The following TBC1D2B variants were observed in gnomAD, a reference collection of about 807,000 sequenced individuals.
The protein encoded by TBC1D2B is TBC1 domain family, member 2B.
TBC1D2B carries 64 observed loss-of-function variants against 100.8 expected under a neutral mutation model. The observed-to-expected ratio is 0.64, with a 90% CI of 0.52 to 0.78. TBC1D2B has a LOEUF of 0.78. TBC1D2B is among the 30% of genes least tolerant of loss of function. The pLI is 0.00. For synonymous variants in TBC1D2B, 480 were observed against 479.7 expected, an observed-to-expected ratio of 1.00 and a Z score of -0.01; for missense variants, 1,052 against 1,218.4, an observed-to-expected ratio of 0.86 and a Z score of 2.03.
chr15:78,062,165 TAA>T (rs989348366), intron 1 of TBC1D2B, among the ~76,000 whole-genome samples: 1 of 152,204 alleles, frequency 6.6e-6, no homozygotes, highest in Non-Finnish European at 1.5e-5. Context: ...TCACTGATTA[TAA>T]GAGGGCTGAT....
intron 3 of TBC1D2B, among the ~76,000 whole-genome samples, chr15:78,032,432 A>G (rs764407822): frequency 1.3e-5 from 2 of 151,800 alleles, no homozygotes; most frequent in African/African-American, 2.4e-5. Context: ...ATATATATAT[A>G]TCCAGCACAC....
chr15:78,077,348 G>C lies in TBC1D2B; in HGVS notation c.305C>G (p.Thr102Arg), dbSNP rs947829941. Residue 102 changes from threonine to arginine, a missense_variant, in exon 1 of 13, where the codon ACG becomes AGG. By Grantham distance (71) the Thr-to-Arg change is moderately conservative (BLOSUM62 -1). This residue lies in a region of TBC1D2B where 627 missense variants were observed against 646.1 expected (regional missense o/e 0.97). Transcript: ENST00000300584. ...QGPDEAAEPG[T>R]EPPAHFQVHS... ...CACCTGGAAGTGCGCGGGCGGCTCC[G>C]TGCCCGGCTCCGCCGCCTCGTCGGG... 6.5e-7 allele frequency: 1 copy of C among 1,538,386 alleles called. No homozygotes were observed. The highest frequency in any genetic ancestry group is 1.4e-5 in the African/African-American group (1 of 71,236).
intron 6 of TBC1D2B, among the ~76,000 whole-genome samples, chr15:78,020,382 G>C (rs1421646745): frequency 2.0e-5 from 3 of 152,190 alleles, no homozygotes; most frequent in African/African-American, 7.2e-5. Context: ...TACAGTCTAA[G>C]TAAGTCCTGA....
Position 78,003,329 on chromosome 15 carries a change from G to A in TBC1D2B, c.2550C>T (p.Asp850=). The change falls in exon 11 of 13, where the codon GAC becomes GAT. Residue 850 remains aspartate (D), a synonymous_variant. Transcript: ENST00000300584. ...VVSDILFKIW[D]SFLYEGPKVI... ...CCTTTGGTCCTTCATAAAGGAAAGA[G>A]TCCCATATTTTAAAGAGGATGTCAC... is the stretch of plus-strand genomic sequence containing the variant. 1.2e-6 allele frequency: 2 copies of A among 1,613,814 alleles called. No individual in the cohort carries two copies. Among genetic ancestry groups the A allele is most frequent in the Non-Finnish European group, 1.7e-6 (2 of 1,179,846 alleles).
chr15:78,005,711 A>C (rs988786941), intron 10 of TBC1D2B, among the ~76,000 whole-genome samples: 5 of 152,182 alleles, frequency 3.3e-5, no homozygotes, highest in Non-Finnish European at 7.3e-5. Flanking sequence ...AATACATCAA[A>C]ATGCTAACCA....
At chr15:78,003,198 T>G in intron 11 of TBC1D2B, 107 bp downstream of exon 11, 1 of 980,810 alleles carries the variant, frequency 1.0e-6, no homozygotes, top group Non-Finnish European at 1.6e-6. Context: ...TTGGGCACCA[T>G]GGTAACCCTC....
intron 12 of TBC1D2B, 115 bp downstream of exon 12, chr15:78,001,504 C>T (rs1045714082): frequency 2.0e-5 from 27 of 1,326,920 alleles, no homozygotes; most frequent in Non-Finnish European, 2.6e-5. Flanking sequence ...CCCTCTCCAA[C>T]ACTGTACACC....
intron 1 of TBC1D2B, among the ~76,000 whole-genome samples, chr15:78,067,288 C>T (rs544586473): frequency 6.6e-6 from 1 of 152,254 alleles, no homozygotes; most frequent in South Asian, 2.1e-4. Flanking sequence ...TAATGAATGC[C>T]TTCCTCCAGC....
At chr15:78,037,794 C>CT (rs1437062034) in intron 3 of TBC1D2B, among the ~76,000 whole-genome samples, 1 of 152,208 alleles carries the variant, frequency 6.6e-6, no homozygotes, top group Non-Finnish European at 1.5e-5. Context: ...AGAGAAAATA[C>CT]TACTTAGCTT....
At chr15:78,037,487 C>T (rs1181781214) in intron 3 of TBC1D2B, among the ~76,000 whole-genome samples, 2 of 152,204 alleles carry the variant, frequency 1.3e-5, no homozygotes, top group African/African-American at 2.4e-5. Context: ...TGAACCGCAC[C>T]CTACAGCCCC....
intron 12 of TBC1D2B, chr15:77,999,279 T>A: frequency 2.2e-6 from 1 of 455,320 alleles, no homozygotes; most frequent in Non-Finnish European, 4.4e-6. Flanking sequence ...TTCCTGCCTG[T>A]CCCCATCAGA....
intron 3 of TBC1D2B, among the ~76,000 whole-genome samples, chr15:78,040,860 A>AGAAAGAAAGAAAG (rs2073072630): frequency 1.4e-5 from 2 of 141,764 alleles, no homozygotes; most frequent in Non-Finnish European, 3.1e-5. Context: ...GAAAGGAAGA[A>AGAAAGAAAGAAAG]AGAAAGAAAG....
intron 1 of TBC1D2B, among the ~76,000 whole-genome samples, chr15:78,056,511 G>C (rs939980812): frequency 4.6e-5 from 7 of 152,240 alleles, no homozygotes; most frequent in African/African-American, 1.7e-4. Flanking sequence ...GCAGCCTGGA[G>C]TTTGGGAGGC....
At chr15:78,061,659 C>T (rs1213913719) in intron 1 of TBC1D2B, among the ~76,000 whole-genome samples, 1 of 149,556 alleles carries the variant, frequency 6.7e-6, no homozygotes, top group Admixed American at 6.7e-5. Context: ...ATAAGTGATG[C>T]CCTGGGTGAG....
intron 9 of TBC1D2B, among the ~76,000 whole-genome samples, chr15:78,010,230 T>G (rs958853259): frequency 6.6e-6 from 1 of 152,124 alleles, no homozygotes; most frequent in Admixed American, 6.5e-5. Flanking sequence ...AAGAGGACCA[T>G]GTGTCTCACT....
At chr15:78,035,833 A>G (rs571749806) in intron 3 of TBC1D2B, among the ~76,000 whole-genome samples, 93 of 152,332 alleles carry the variant, frequency 6.1e-4, no homozygotes, top group African/African-American at 2.2e-3. Flanking sequence ...CTATAACCGA[A>G]TTCTGTTAGA....
chr15:78,047,404 A>G (rs912211169), intron 2 of TBC1D2B, among the ~76,000 whole-genome samples: 3 of 152,124 alleles, frequency 2.0e-5, no homozygotes, highest in Non-Finnish European at 2.9e-5. Flanking sequence ...ACATAAGTAA[A>G]ACAGTAACAT....
At chr15:78,077,711 CG>C (rs1186196068), upstream of TBC1D2B, 14 of 984,270 alleles carry the variant, frequency 1.4e-5, no homozygotes, top group Non-Finnish European at 1.7e-5. Context: ...GCGGCCGCTG[CG>C]CCCCCTACCC....
chr15:77,998,491 G>A, intron 12 of TBC1D2B, 136 bp from the exon 13 acceptor site: 1 of 727,612 alleles, frequency 1.4e-6, no homozygotes, highest in Non-Finnish European at 2.2e-6. Context: ...TGATGTAGGG[G>A]ATGAGGCCCA....
Sources: gnomAD v4.1 joint callset for allele counts (sites outside exome capture counted in the v4.1 genomes callset) on GRCh38, gnomAD v4.1.1 for gene constraint, gnomAD v4.1.1 regional missense constraint, MANE v1.5 for transcripts, NCBI Gene and HGNC (gene_info 2026-07-23, HGNC 2026-07-21) for gene names.